The following ZFR2 variants were observed in gnomAD, a reference collection of about 807,000 sequenced individuals.
The protein encoded by ZFR2 is zinc finger RNA binding protein 2.
A neutral mutation model predicts 105.7 loss-of-function variants in ZFR2; 104 were observed. The observed-to-expected ratio is 0.98, with a 90% CI of 0.84 to 1.16. ZFR2 has a LOEUF of 1.16. Ranked by LOEUF, ZFR2 falls within the 50% of genes most tolerant of loss-of-function variation. ZFR2 has a pLI of 0.00. For synonymous variants in ZFR2, 634 were observed against 597.7 expected, an observed-to-expected ratio of 1.06 and a Z score of -0.89; for missense variants, 1,425 against 1,355.5, an observed-to-expected ratio of 1.05 and a Z score of -0.80.
In ZFR2 at chr19:3,808,853, C is replaced by A; in HGVS notation, c.2545+19G>T. On this transcript the variant is annotated intron_variant, in intron 17 of 18. Transcript: ENST00000262961. Reference sequence around the variant, plus strand: ...CGATTTGCCGCCCACCTCCTGGGCCCTCCGGCCCAGCGACTGACCTGTCAG... The same window carrying A: ...CGATTTGCCGCCCACCTCCTGGGCCATCCGGCCCAGCGACTGACCTGTCAG... 1 of 1,532,798 alleles carries A rather than the reference C, an allele frequency of 6.5e-7. No individual in the cohort carries two copies. 94.9% of individuals were successfully genotyped at this position (1,532,798 alleles called of 1,614,324 possible).
At chr19:3,840,019 T>C (rs1384644540) in intron 1 of ZFR2, among the ~76,000 whole-genome samples, 1 of 152,098 alleles carries the variant, frequency 6.6e-6, no homozygotes, top group Non-Finnish European at 1.5e-5. Context: ...GATGTTCTTA[T>C]TGTGTATGTC....
Position 3,823,081 on chromosome 19 carries a change from C to T in ZFR2, c.1371+165G>A, listed in dbSNP as rs900094969. ...AAAATCCGGCACCCAAAGTGTCAAG[C>T]GGGTCTGCACGGGGTTTTGGTCCAT... On this transcript the variant is annotated intron_variant, in intron 8 of 18. Coordinates refer to ENST00000262961, the MANE Select transcript of ZFR2 (RefSeq NM_015174.2). This position sits in a 1 kb window ranked among gnomAD's most constrained non-coding sequence, Gnocchi z 5.4. Among the ~76,000 whole-genome samples, 2 of 152,178 alleles carry T rather than the reference C, an allele frequency of 1.3e-5. No individual in the cohort carries two copies. Among genetic ancestry groups the T allele is most frequent in the African/African-American group, 4.8e-5 (2 of 41,446 alleles).
chr19:3,807,850 CGT>C (rs374438395), intron 17 of ZFR2, among the ~76,000 whole-genome samples: 273 of 146,088 alleles, frequency 1.9e-3, no homozygotes, highest in African/African-American at 6.3e-3. Context: ...TGTGTGTGCC[CGT>C]GTGTGTGCAT....
At chr19:3,859,840 G>C (rs963547820) in intron 1 of ZFR2, among the ~76,000 whole-genome samples, 5 of 152,180 alleles carry the variant, frequency 3.3e-5, no homozygotes, top group Non-Finnish European at 5.9e-5. Flanking sequence ...TATTCAAAAT[G>C]CATCTTACAC....
chr19:3,837,303 C>T (rs1348496445), intron 1 of ZFR2, among the ~76,000 whole-genome samples: 1 of 152,200 alleles, frequency 6.6e-6, no homozygotes, highest in African/African-American at 2.4e-5. Context: ...CATTCATGAA[C>T]ACCATGACTG....
intron 6 of ZFR2, among the ~76,000 whole-genome samples, chr19:3,826,382 G>A (rs532447300): frequency 6.6e-6 from 1 of 151,812 alleles, no homozygotes; most frequent in Non-Finnish European, 1.5e-5. Context: ...TCCCCTCCCT[G>A]CTCTCAGGTG....
intron 3 of ZFR2, 23 bp from the exon 4 acceptor site, chr19:3,831,901 C>T: frequency 6.6e-7 from 1 of 1,512,840 alleles, no homozygotes. Flanking sequence ...GACAGGCCCT[C>T]TGCAGAGCCA....
chr19:3,835,170 A>G (rs1162113091), intron 1 of ZFR2, among the ~76,000 whole-genome samples, 187 bp from the exon 2 acceptor site: 1 of 152,130 alleles, frequency 6.6e-6, no homozygotes, highest in Admixed American at 6.5e-5. Context: ...ACAACGCTGT[A>G]ATGCTGGGCC....
intron 1 of ZFR2, among the ~76,000 whole-genome samples, chr19:3,867,286 G>T (rs534700073): frequency 8.2e-6 from 1 of 121,692 alleles, no homozygotes; most frequent in Non-Finnish European, 1.7e-5. Context: ...AGGGTGACAC[G>T]CGGAAATGAT....
chr19:3,818,939 G>T, intron 12 of ZFR2, 106 bp downstream of exon 12: 1 of 1,380,340 alleles, frequency 7.2e-7, no homozygotes, highest in Non-Finnish European at 9.6e-7. Flanking sequence ...GGCCACCGAC[G>T]GCTCCAGGCC....
rs1599238760 is a variant in ZFR2, at chr19:3,833,873, T to C, written c.265-95A>G. On this transcript the variant is annotated intron_variant, in intron 2 of 18. Coordinates refer to ENST00000262961, the MANE Select transcript of ZFR2 (RefSeq NM_015174.2). Reference sequence around the variant, plus strand: ...GCCCTGCCACACTGCACTCTGCACTTAGTCCTTCCTGCAGCGCTGGCTCCT... The same window carrying C: ...GCCCTGCCACACTGCACTCTGCACTCAGTCCTTCCTGCAGCGCTGGCTCCT... The C allele has an allele frequency of 4.2e-6, 4 of 941,190 alleles. No homozygotes were observed. The South Asian group carries it at 6.2e-5, about 15-fold the overall frequency. 58.3% of individuals were successfully genotyped at this position (941,190 alleles called of 1,614,324 possible).
At position 3,833,313 on chromosome 19, in the gene ZFR2, A is replaced by C. The variant is rs547203544; in HGVS notation, c.379+351T>G. On this transcript the variant is annotated intron_variant, in intron 3 of 18. Transcript: ENST00000262961. ...ACTTTCAGGCCGGGCATGGTGGCTC[A>C]CGCCTGTAATCGCAGCACTTTGGGA... Among the ~76,000 whole-genome samples the C allele has an allele frequency of 5.2e-4, 79 of 151,308 alleles. No individual in the cohort carries two copies. The Middle Eastern group carries it at 0.01, about 20-fold the overall frequency.
In ZFR2 at chr19:3,861,875, G is replaced by A. The variant is rs544377828; in HGVS notation, c.53+7090C>T. Among the ~76,000 whole-genome samples the A allele has an allele frequency of 2.0e-3, 306 of 151,626 alleles. 1 individual carries two copies. The highest frequency in any genetic ancestry group is 6.4e-3 in the African/African-American group (264 of 41,338). On this transcript the variant is annotated intron_variant, in intron 1 of 18. Coordinates refer to ENST00000262961, the MANE Select transcript of ZFR2 (RefSeq NM_015174.2). ...CGTGAGCCAGACGTTGCAGTGAGCC[G>A]AGATCGCGCCATTGCACTCCAGCCT...
At chr19:3,845,492 A>G (rs1347104493) in intron 1 of ZFR2, among the ~76,000 whole-genome samples, 1 of 151,230 alleles carries the variant, frequency 6.6e-6, no homozygotes, top group Non-Finnish European at 1.5e-5. Flanking sequence ...GAAAAAAAAA[A>G]AAGGTAAAAC....
At chr19:3,866,209 T>C (rs1466487442) in intron 1 of ZFR2, among the ~76,000 whole-genome samples, 1 of 152,210 alleles carries the variant, frequency 6.6e-6, no homozygotes, top group African/African-American at 2.4e-5. Context: ...AAAGAATGTC[T>C]AGTTAACCTA....
chr19:3,852,933 C>T (rs2038257133), intron 1 of ZFR2, among the ~76,000 whole-genome samples: 1 of 152,216 alleles, frequency 6.6e-6, no homozygotes, highest in South Asian at 2.1e-4. Context: ...CAGCACCCTG[C>T]AGTGCCCAGA....
rs189423289 is a variant in ZFR2 at position 3,813,293 on chromosome 19, G to A, written c.2242+527C>T. Among the ~76,000 whole-genome samples, 9 of 152,306 alleles carry A rather than the reference G, an allele frequency of 5.9e-5. No individual in the cohort carries two copies. Among genetic ancestry groups the A allele is most frequent in the East Asian group, 5.8e-4 (3 of 5,192 alleles). On this transcript the variant is annotated intron_variant, in intron 14 of 18. Coordinates refer to ENST00000262961, the MANE Select transcript of ZFR2 (RefSeq NM_015174.2). This position sits in a 1 kb window ranked among gnomAD's most constrained non-coding sequence, Gnocchi z 4.4. ...GTTACTGATGCCTGTCTTCGCTGTG[G>A]CCGCTGGCCAAGACCCTCGCTGCCC...
Position 3,823,940 on chromosome 19 carries a change from A to G in ZFR2, c.1214-537T>C, listed in dbSNP as rs1025998196. 6.6e-6 allele frequency among the ~76,000 whole-genome samples: 1 copy of G among 152,082 alleles called. No homozygotes were observed. Among genetic ancestry groups the G allele is most frequent in the African/African-American group, 2.4e-5 (1 of 41,416 alleles). ...GACTCTTAGACAGACCCGGGTTCCA[A>G]TTCCACCTCCACCGTTTACGGCTTT... On this transcript the variant is annotated intron_variant, in intron 7 of 18. Transcript: ENST00000262961. The surrounding 1 kb of genome is among the most constrained non-coding windows in gnomAD (Gnocchi z 5.4).
Position 3,819,223 on chromosome 19 carries a change from G to C in ZFR2, c.1753C>G (p.Pro585Ala), listed in dbSNP as rs751618030. The change falls in exon 12 of 19, where the codon CCG becomes GCG. Residue 585 changes from proline to alanine, a missense_variant. Physicochemically the swap from Pro to Ala is conservative, Grantham distance 27. Coordinates refer to ENST00000262961, the MANE Select transcript of ZFR2 (RefSeq NM_015174.2). Reference sequence around the variant, plus strand: ...ACGTGCCGGTCGTCGCTGGACGCCGGCCGCCGCCCGGGCTGTGGGGAGAGG... The same window carrying C: ...ACGTGCCGGTCGTCGCTGGACGCCGCCCGCCGCCCGGGCTGTGGGGAGAGG... ...ASAPLQPGRR[P>A]ASSDDRHVMC... 112 of 1,545,024 alleles carry C rather than the reference G, an allele frequency of 7.2e-5. No homozygotes were observed. The highest frequency in any genetic ancestry group is 8.6e-5 in the Non-Finnish European group (99 of 1,154,078).
Sources: allele counts gnomAD v4.1 joint callset (sites outside exome capture counted in the v4.1 genomes callset), GRCh38; gene constraint gnomAD v4.1.1; non-coding constraint Gnocchi (gnomAD v3.1); transcripts MANE v1.5; gene names NCBI Gene and HGNC (gene_info 2026-07-23, HGNC 2026-07-21).